Variants in CLOCK observed in about 807,000 individuals in gnomAD.
CLOCK encodes the protein clock circadian regulator, also known as circadian locomoter output cycles protein kaput.
A neutral mutation model predicts 118.4 loss-of-function variants in CLOCK; 43 were observed. The ratio of observed to expected loss-of-function variants is 0.36; its 90% confidence interval spans 0.28 to 0.47. The LOEUF is 0.47. Ranked by LOEUF, CLOCK falls within the 20% of genes least tolerant of loss-of-function variation. The pLI is 1.00. For missense variants in CLOCK, 846 were observed against 999.9 expected (o/e 0.85, Z 2.08); for synonymous variants, 326 against 339.2 (o/e 0.96, Z 0.43).
rs779984553 is a variant in CLOCK at position 55,449,459 on chromosome 4, T to C, written c.1386A>G (p.Pro462=). The C allele has an allele frequency of 1.3e-5, 21 of 1,613,926 alleles. No individual in the cohort carries two copies. Among genetic ancestry groups the C allele is most frequent in the African/African-American group, 2.7e-5 (2 of 74,938 alleles). The part of the protein sequence containing the change: ...PTKIPTDTST[P]PRQHLPAHEK... ...CATGAGCTGGTAAATGCTGCCTGGG[T>C]GGAGTGCTCGTATCCGTCGGGATCT... The change falls in exon 17 of 23, where the codon CCA becomes CCG. Residue 462 remains proline, a synonymous_variant. Transcript: ENST00000513440.
intron 7 of CLOCK, among the ~76,000 whole-genome samples, chr4:55,474,145 A>G (rs910936896): frequency 1.3e-5 from 2 of 152,180 alleles, no homozygotes; most frequent in Non-Finnish European, 2.9e-5. Flanking sequence ...TGTGAATGAA[A>G]AAGAAAAGTT....
chr4:55,475,122 G>A (rs1486509770), intron 7 of CLOCK, among the ~76,000 whole-genome samples: 1 of 152,216 alleles, frequency 6.6e-6, no homozygotes, highest in Non-Finnish European at 1.5e-5. Flanking sequence ...TGATTCATGG[G>A]AGAAGGTCAA....
intron 2 of CLOCK, among the ~76,000 whole-genome samples, chr4:55,503,628 C>T (rs1379034999): frequency 6.7e-6 from 1 of 150,258 alleles, no homozygotes; most frequent in African/African-American, 2.5e-5. Flanking sequence ...TTAGTGATAT[C>T]ATGTCAGTCC....
chr4:55,500,654 C>T (rs1000617983), intron 2 of CLOCK, among the ~76,000 whole-genome samples: 12 of 152,068 alleles, frequency 7.9e-5, no homozygotes, highest in African/African-American at 1.9e-4. Flanking sequence ...TCGGCCTAAC[C>T]GGGGTTTTAA....
At chr4:55,498,603 C>CTTCTTATTA (rs147163251) in intron 2 of CLOCK, among the ~76,000 whole-genome samples, 14 of 148,636 alleles carry the variant, frequency 9.4e-5, no homozygotes, top group South Asian at 2.1e-4. Context: ...TATCTAGTTC[C>CTTCTTATTA]TTATTATTAT....
intron 1 of CLOCK, among the ~76,000 whole-genome samples, chr4:55,514,353 C>G (rs527487732): frequency 2.2e-4 from 33 of 152,160 alleles, no homozygotes; most frequent in Middle Eastern, 3.4e-3. Flanking sequence ...GTCCCCTTAC[C>G]TCTTTTGAAA....
chr4:55,539,765 G>A (rs1193878562), intron 1 of CLOCK, among the ~76,000 whole-genome samples: 1 of 151,618 alleles, frequency 6.6e-6, no homozygotes, highest in Non-Finnish European at 1.5e-5. Context: ...TTATTACACA[G>A]AGATGAGAAT....
chr4:55,523,828 C>A (rs1284141873), intron 1 of CLOCK, among the ~76,000 whole-genome samples: 1 of 152,158 alleles, frequency 6.6e-6, no homozygotes. Flanking sequence ...GTTTTTGAAA[C>A]CTTTGATGGC....
At chr4:55,505,419 T>C (rs1728738932) in intron 2 of CLOCK, among the ~76,000 whole-genome samples, 1 of 151,990 alleles carries the variant, frequency 6.6e-6, no homozygotes, top group South Asian at 2.1e-4. Flanking sequence ...ATCCCAGCGC[T>C]TTGGGAGGCG....
chr4:55,453,487 ATATATC>A (rs1724652091), intron 14 of CLOCK, 184 bp downstream of exon 14: 2 of 509,228 alleles, frequency 3.9e-6, no homozygotes, highest in East Asian at 3.1e-5. Context: ...ATCAAGACTT[ATATATC>A]TATATCATTC....
intron 18 of CLOCK, 28 bp downstream of exon 18, chr4:55,448,751 C>T (rs1291625710): frequency 1.7e-5 from 27 of 1,556,426 alleles, no homozygotes; most frequent in South Asian, 8.9e-5. Flanking sequence ...TATTCAAATA[C>T]GCAACTGAAA....
intron 5 of CLOCK, among the ~76,000 whole-genome samples, chr4:55,479,222 C>T (rs1175438058): frequency 1.3e-5 from 2 of 152,082 alleles, no homozygotes; most frequent in African/African-American, 4.8e-5. Context: ...GCATTCAAAT[C>T]ACAAGTTTTA....
chr4:55,440,084 G>A (rs183724329), intron 21 of CLOCK, among the ~76,000 whole-genome samples: 1 of 151,992 alleles, frequency 6.6e-6, no homozygotes. Context: ...AGGGGTGTCA[G>A]ATATATGTGG....
chr4:55,474,790 T>C (rs1461862246), intron 7 of CLOCK, among the ~76,000 whole-genome samples: 1 of 152,200 alleles, frequency 6.6e-6, no homozygotes, highest in East Asian at 1.9e-4. Context: ...TACTGAATAT[T>C]TAAAGCCCAC....
chr4:55,519,646 T>C (rs528929581), intron 1 of CLOCK, among the ~76,000 whole-genome samples: 5 of 151,676 alleles, frequency 3.3e-5, no homozygotes, highest in Non-Finnish European at 7.4e-5. Context: ...GGCGTGGTGG[T>C]GCACTTCTGT....
intron 2 of CLOCK, among the ~76,000 whole-genome samples, chr4:55,491,979 A>G (rs1727730960): frequency 6.6e-6 from 1 of 152,226 alleles, no homozygotes; most frequent in South Asian, 2.1e-4. Flanking sequence ...CAAACACTGA[A>G]AGAATTAATA....
chr4:55,459,260 T>C lies in CLOCK; in HGVS notation c.561A>G (p.Ser187=), dbSNP rs149432027. ...GACAACAGAATTCTAACTGATTTTT[T>C]GCTGAAATAAAAGAGATTTTAAAAA... ...SDSLTPEYLK[S]KNQLEFCCHM... The change falls in exon 10 of 23, where the codon TCA becomes TCG. Residue 187 remains serine, a splice_region_variant and synonymous_variant. Transcript: ENST00000513440. 3 of 1,586,222 alleles carry C rather than the reference T, an allele frequency of 1.9e-6. No individual in the cohort carries two copies. In the African/African-American group the frequency reaches 4.0e-5, roughly 21 times the overall value.
intron 15 of CLOCK, 135 bp from the exon 16 acceptor site, chr4:55,450,367 T>C: frequency 1.1e-6 from 1 of 919,432 alleles, no homozygotes; most frequent in Non-Finnish European, 1.7e-6. Flanking sequence ...TACATACACA[T>C]GTAAAGAAAT....
At chr4:55,463,860 C>T in intron 8 of CLOCK, 55 bp from the exon 9 acceptor site, 1 of 1,535,304 alleles carries the variant, frequency 6.5e-7, no homozygotes, top group Non-Finnish European at 8.9e-7. Context: ...GAGACAATTG[C>T]TTTAAAAGTA....
Sources: gnomAD v4.1 joint callset for allele counts (sites outside exome capture counted in the v4.1 genomes callset) on GRCh38, gnomAD v4.1.1 for gene constraint, MANE v1.5 for transcripts, NCBI Gene and HGNC (gene_info 2026-07-23, HGNC 2026-07-21) for gene names.